KIAA1217: variants seen among roughly 807,000 people sequenced by gnomAD.
KIAA1217 encodes sickle tail protein homolog.
In KIAA1217, 88 loss-of-function variants were observed where a neutral mutation model predicts 163.9. That is an observed-to-expected ratio of 0.54 (90% CI 0.45 to 0.64). The LOEUF is 0.64. Among genes scored for constraint, KIAA1217 ranks in the 30% least tolerant of loss-of-function variants. KIAA1217 has a pLI of 0.00. For synonymous variants in KIAA1217, 903 were observed against 923.1 expected (o/e 0.98, Z 0.39); for missense variants, 2,372 against 2,475.0 (o/e 0.96, Z 0.88).
At chr10:24,422,615 T>C (rs2058823684) in intron 3 of KIAA1217, among the ~76,000 whole-genome samples, 1 of 152,212 alleles carries the variant, frequency 6.6e-6, no homozygotes, top group South Asian at 2.1e-4. Context: ...ATCACAGCAC[T>C]GGAAATCAGC....
chr10:24,173,969 A>G (rs1589770572), intron 2 of KIAA1217, among the ~76,000 whole-genome samples: 1 of 152,112 alleles, frequency 6.6e-6, no homozygotes, highest in Non-Finnish European at 1.5e-5. Flanking sequence ...GCTGTCTTGT[A>G]CCCTCAGGAA....
At chr10:23,746,876 A>G (rs1839444928) in intron 1 of KIAA1217, among the ~76,000 whole-genome samples, 1 of 152,202 alleles carries the variant, frequency 6.6e-6, no homozygotes, top group Non-Finnish European at 1.5e-5. Context: ...AACAGGGGTC[A>G]AGGTAAAGGG....
intron 1 of KIAA1217, among the ~76,000 whole-genome samples, chr10:23,934,611 ATATATATATATATATT>A (rs1370320874): frequency 4.2e-5 from 3 of 71,148 alleles, no homozygotes; most frequent in Non-Finnish European, 7.3e-5. Flanking sequence ...ATATATGTAT[ATATATATATATATATT>A]TTTTTTTTGA....
At chr10:24,478,303 C>G (rs1212426767) in intron 6 of KIAA1217, among the ~76,000 whole-genome samples, 1 of 152,216 alleles carries the variant, frequency 6.6e-6, no homozygotes, top group East Asian at 1.9e-4. Context: ...ATAGCTCACT[C>G]AAGACTAAGT....
chr10:24,176,018 G>A (rs1480344635), intron 2 of KIAA1217, among the ~76,000 whole-genome samples: 1 of 152,210 alleles, frequency 6.6e-6, no homozygotes, highest in Non-Finnish European at 1.5e-5. Flanking sequence ...GGTTGCTGCT[G>A]CTGGCTCTGG....
chr10:23,726,548 C>A (rs911531995), intron 1 of KIAA1217, among the ~76,000 whole-genome samples: 72 of 151,812 alleles, frequency 4.7e-4, no homozygotes, highest in African/African-American at 1.6e-3. Flanking sequence ...CCAAAATTGA[C>A]AAATGGGATC....
chr10:24,519,988 A>T, intron 10 of KIAA1217, 135 bp from the exon 11 acceptor site: 1 of 974,036 alleles, frequency 1.0e-6, no homozygotes, highest in Non-Finnish European at 1.5e-6. Context: ...CCCCTCCACC[A>T]CCACCACACG....
chr10:23,784,614 G>T (rs943575957), intron 1 of KIAA1217, among the ~76,000 whole-genome samples: 4 of 151,520 alleles, frequency 2.6e-5, no homozygotes, highest in Non-Finnish European at 4.4e-5. Context: ...TTTATCTTTT[G>T]TGCATTTAGT....
intron 2 of KIAA1217, among the ~76,000 whole-genome samples, chr10:24,234,366 T>G (rs998415953): frequency 6.6e-6 from 1 of 152,004 alleles, no homozygotes; most frequent in African/African-American, 2.4e-5. Flanking sequence ...TATTAGAAAC[T>G]ACATACATAT....
At chr10:23,914,325 CT>C (rs1444439262) in intron 1 of KIAA1217, among the ~76,000 whole-genome samples, 1 of 152,058 alleles carries the variant, frequency 6.6e-6, no homozygotes, top group Non-Finnish European at 1.5e-5. Flanking sequence ...GTTTAGAATA[CT>C]TTTCTAAAGA....
At chr10:24,509,511 C>T (rs2068809818) in intron 9 of KIAA1217, among the ~76,000 whole-genome samples, 1 of 152,152 alleles carries the variant, frequency 6.6e-6, no homozygotes, top group South Asian at 2.1e-4. Context: ...CATTATGCCC[C>T]GTTGTATTTT....
chr10:24,095,202 C>T (rs2062105348), intron 2 of KIAA1217, among the ~76,000 whole-genome samples: 1 of 152,216 alleles, frequency 6.6e-6, no homozygotes, highest in Non-Finnish European at 1.5e-5. Context: ...AAGGCAATGC[C>T]TCGCCCTGCT....
intron 1 of KIAA1217, among the ~76,000 whole-genome samples, chr10:23,797,119 G>A (rs1211551149): frequency 3.9e-5 from 6 of 152,122 alleles, no homozygotes; most frequent in African/African-American, 1.4e-4. Flanking sequence ...GCCTCTCAGA[G>A]CTGTAAAATG....
At chr10:24,120,173 G>A (rs1395781357) in intron 2 of KIAA1217, among the ~76,000 whole-genome samples, 1 of 152,206 alleles carries the variant, frequency 6.6e-6, no homozygotes, top group Non-Finnish European at 1.5e-5. Flanking sequence ...ACTTAGGAGA[G>A]TGTATTATTT....
At chr10:24,033,171 AT>A (rs1376822711) in intron 2 of KIAA1217, among the ~76,000 whole-genome samples, 2 of 152,250 alleles carry the variant, frequency 1.3e-5, no homozygotes, top group African/African-American at 4.8e-5. Context: ...ACATCATGGT[AT>A]AAAGCAACTT....
chr10:24,138,915 G>T (rs75439119), intron 2 of KIAA1217, among the ~76,000 whole-genome samples: 2,522 of 152,164 alleles, frequency 0.017, 61 homozygotes, highest in African/African-American at 0.057. Flanking sequence ...GCTTCAATGT[G>T]CTTTTTAAAA....
Position 24,183,983 on chromosome 10 carries a change from T to A in KIAA1217, c.-170-35643T>A, listed in dbSNP as rs373353898. 6.7e-4 allele frequency among the ~76,000 whole-genome samples: 102 copies of A among 151,994 alleles called. 1 individual carries two copies. Among genetic ancestry groups the A allele is most frequent in the African/African-American group, 2.4e-3 (99 of 41,538 alleles). On this transcript the variant is annotated intron_variant, in intron 2 of 18. Transcript: ENST00000376462. The stretch of plus-strand genomic sequence containing the variant: ...ATTCTTCACCATCTTTACAAAAACA[T>A]ATCTCCCCTGAGCCCTCCCAAAGGA...
At chr10:23,891,076 C>T (rs1008733537) in intron 1 of KIAA1217, among the ~76,000 whole-genome samples, 2 of 151,936 alleles carry the variant, frequency 1.3e-5, no homozygotes, top group African/African-American at 4.8e-5. Context: ...GGACTGTTCA[C>T]ATGAAAAGCT....
At chr10:24,381,112 G>A in intron 3 of KIAA1217, 45 bp downstream of exon 3, 1 of 1,420,964 alleles carries the variant, frequency 7.0e-7, no homozygotes, top group Non-Finnish European at 9.5e-7. Flanking sequence ...CTTACTGAAT[G>A]CGTTTGTTGT....
Sources: gnomAD v4.1 joint callset for allele counts (sites outside exome capture counted in the v4.1 genomes callset) on GRCh38, gnomAD v4.1.1 for gene constraint, MANE v1.5 for transcripts, NCBI Gene and HGNC (gene_info 2026-07-23, HGNC 2026-07-21) for gene names.